ABCC1: variants seen among roughly 807,000 people sequenced by gnomAD.
ABCC1 encodes the protein ATP binding cassette subfamily C member 1 (ABCC1 blood group), also known as multidrug resistance-associated protein 1.
A neutral mutation model predicts 172.9 loss-of-function variants in ABCC1; 83 were observed. The observed-to-expected ratio is 0.48, with a 90% CI of 0.40 to 0.58. The LOEUF is 0.58. ABCC1 is among the 20% of genes least tolerant of loss of function. The pLI, the probability that ABCC1 is intolerant of heterozygous loss-of-function variation, is 0.00. For missense variants in ABCC1, 1,817 were observed against 2,002.7 expected (o/e 0.91, Z 1.77); for synonymous variants, 937 against 825.2 (o/e 1.14, Z -2.32).
intron 12 of ABCC1, among the ~76,000 whole-genome samples, chr16:16,067,793 C>G (rs1008316415): frequency 6.6e-6 from 1 of 152,050 alleles, no homozygotes; most frequent in Non-Finnish European, 1.5e-5. Context: ...GTCAGGTGGC[C>G]CCCTGGATGG....
intron 6 of ABCC1, among the ~76,000 whole-genome samples, chr16:16,035,963 AT>A (rs2151842652): frequency 6.6e-6 from 1 of 151,888 alleles, no homozygotes; most frequent in Non-Finnish European, 1.5e-5. Context: ...AAAATAAAAA[AT>A]AAAAAAAAAA....
At chr16:15,985,549 AT>A (rs1365259829) in intron 1 of ABCC1, among the ~76,000 whole-genome samples, 9 of 151,804 alleles carry the variant, frequency 5.9e-5, no homozygotes, top group Admixed American at 3.9e-4. Flanking sequence ...GGTTCAAGTG[AT>A]TCTCCTGCCC....
intron 1 of ABCC1, among the ~76,000 whole-genome samples, chr16:16,006,888 G>A (rs1451467696): frequency 6.7e-6 from 1 of 149,778 alleles, no homozygotes; most frequent in African/African-American, 2.5e-5. Flanking sequence ...GGTGATGGTG[G>A]TGGTGATGGT....
intron 15 of ABCC1, 82 bp from the exon 16 acceptor site, chr16:16,079,270 A>G (rs888847364): frequency 3.8e-6 from 6 of 1,570,112 alleles, no homozygotes; most frequent in African/African-American, 2.7e-5. Flanking sequence ...TACTTGGGGT[A>G]AATTGAGGCT....
chr16:16,122,266 G>C, intron 24 of ABCC1, 92 bp downstream of exon 24: 1 of 1,420,440 alleles, frequency 7.0e-7, no homozygotes, highest in Non-Finnish European at 9.7e-7. Context: ...CTTGAGCTGG[G>C]TATAAAGCCA....
chr16:15,970,627 A>G (rs2046346191), intron 1 of ABCC1, among the ~76,000 whole-genome samples: 1 of 152,326 alleles, frequency 6.6e-6, no homozygotes, highest in East Asian at 1.9e-4. Flanking sequence ...AAAGAACCAG[A>G]AGGAGGCTGA....
intron 1 of ABCC1, among the ~76,000 whole-genome samples, chr16:15,973,842 C>G (rs215086): frequency 6.6e-6 from 1 of 151,364 alleles, no homozygotes; most frequent in African/African-American, 2.4e-5. Context: ...AAAATTAGCC[C>G]GGTATGATGG....
chr16:16,107,363 C>T (rs1346555484), intron 21 of ABCC1, among the ~76,000 whole-genome samples: 1 of 152,072 alleles, frequency 6.6e-6, no homozygotes, highest in African/African-American at 2.4e-5. Flanking sequence ...GATCTCGGCT[C>T]ACTACAACCT....
At chr16:16,104,621 A>G (rs60843613) in intron 20 of ABCC1, among the ~76,000 whole-genome samples, 6,501 of 152,284 alleles carry the variant, frequency 0.043, 478 homozygotes, top group African/African-American at 0.15. Flanking sequence ...TGGATGCCAC[A>G]CTGGGGCTGC....
chr16:16,049,957 G>A (rs2049360084), intron 10 of ABCC1, among the ~76,000 whole-genome samples: 1 of 152,104 alleles, frequency 6.6e-6, no homozygotes, highest in African/African-American at 2.4e-5. Flanking sequence ...GTCTCCCAAA[G>A]TGTTGGAATT....
intron 1 of ABCC1, among the ~76,000 whole-genome samples, chr16:15,985,918 C>A (rs2046733020): frequency 6.6e-6 from 1 of 152,044 alleles, no homozygotes; most frequent in South Asian, 2.1e-4. Flanking sequence ...CACCTGTCTT[C>A]CTCAATTCGT....
intron 1 of ABCC1, among the ~76,000 whole-genome samples, chr16:15,970,706 G>A (rs1472907200): frequency 6.6e-6 from 1 of 152,142 alleles, no homozygotes; most frequent in African/African-American, 2.4e-5. Context: ...TCCTTGCTTA[G>A]GCATTAGCTC....
intron 28 of ABCC1, among the ~76,000 whole-genome samples, chr16:16,135,097 C>T (rs2045869460): frequency 1.3e-5 from 2 of 152,156 alleles, no homozygotes; most frequent in South Asian, 2.1e-4. Flanking sequence ...AAAAAGACAC[C>T]GTCTTCTCTC....
chr16:16,133,551 A>G (rs1024440288), intron 27 of ABCC1, among the ~76,000 whole-genome samples: 1 of 151,936 alleles, frequency 6.6e-6, no homozygotes, highest in Non-Finnish European at 1.5e-5. Context: ...CTACAGGTGC[A>G]TGCCACCACG....
chr16:15,968,221 G>T lies in ABCC1; in HGVS notation c.48+18422G>T, dbSNP rs545012243. Reference sequence around the variant, plus strand: ...GGCTAATTTTTGTATTTTTAGTAGAGACAGGGTTTGCTGTGTTAGCCAGGC... The same window carrying T: ...GGCTAATTTTTGTATTTTTAGTAGATACAGGGTTTGCTGTGTTAGCCAGGC... On this transcript the variant is annotated intron_variant, in intron 1 of 30. Coordinates refer to ENST00000399410, the MANE Select transcript of ABCC1 (RefSeq NM_004996.4). 6.6e-5 allele frequency among the ~76,000 whole-genome samples: 10 copies of T among 152,098 alleles called. No individual in the cohort carries two copies. The South Asian group carries it at 2.1e-3, about 32-fold the overall frequency.
intron 1 of ABCC1, 31 bp downstream of exon 1, chr16:15,949,830 G>A (rs1358376474): frequency 8.4e-7 from 1 of 1,193,292 alleles, no homozygotes; most frequent in East Asian, 3.5e-5. Flanking sequence ...GAGGCCGGCG[G>A]GACGGAGGGA....
At chr16:16,104,865 G>GC (rs2051997284) in intron 20 of ABCC1, among the ~76,000 whole-genome samples, 1 of 152,180 alleles carries the variant, frequency 6.6e-6, no homozygotes, top group African/African-American at 2.4e-5. Context: ...GCAGCTGCTG[G>GC]CCCAGGTGCT....
At chr16:16,059,835 C>T (rs749428881) in intron 12 of ABCC1, among the ~76,000 whole-genome samples, 4 of 150,192 alleles carry the variant, frequency 2.7e-5, no homozygotes, top group African/African-American at 9.8e-5. Flanking sequence ...CCCAGCCCCC[C>T]ACAAAAAAAA....
intron 1 of ABCC1, among the ~76,000 whole-genome samples, chr16:15,960,787 A>T (rs929726852): frequency 6.6e-6 from 1 of 152,110 alleles, no homozygotes; most frequent in Non-Finnish European, 1.5e-5. Flanking sequence ...TGGTTAAAGT[A>T]TTGAGGAGTT....
Sources: allele counts gnomAD v4.1 joint callset (sites outside exome capture counted in the v4.1 genomes callset), GRCh38; gene constraint gnomAD v4.1.1; transcripts MANE v1.5; gene names NCBI Gene and HGNC (gene_info 2026-07-23, HGNC 2026-07-21).